Variants in AUTS2 observed in about 807,000 individuals in gnomAD.
The protein encoded by AUTS2 is activator of transcription and developmental regulator AUTS2.
AUTS2 carries 17 observed loss-of-function variants against 112.4 expected under a neutral mutation model. The ratio of observed to expected loss-of-function variants is 0.15; its 90% CI spans 0.10 to 0.23. The LOEUF is 0.23. Among genes scored for constraint, AUTS2 ranks in the 10% least tolerant of loss-of-function variants. The probability of loss-of-function intolerance (pLI) is 1.00; values close to 1 mark genes in which losing one functional copy is unlikely to be tolerated. For missense variants in AUTS2, 1,510 were observed against 1,701.6 expected, an observed-to-expected ratio of 0.89 and a Z score of 1.98; for synonymous variants, 751 against 702.7, an observed-to-expected ratio of 1.07 and a Z score of -1.09.
intron 11 of AUTS2, among the ~76,000 whole-genome samples, chr7:70,772,306 A>G (rs769477310): frequency 2.0e-5 from 3 of 152,214 alleles, no homozygotes; most frequent in Non-Finnish European, 4.4e-5. Context: ...TCCTTTATAA[A>G]AATCAAATTC....
chr7:69,645,259 A>C (rs557819258), intron 1 of AUTS2, among the ~76,000 whole-genome samples: 1 of 152,248 alleles, frequency 6.6e-6, no homozygotes, highest in South Asian at 2.1e-4. Flanking sequence ...AAAGCCACAT[A>C]AAATTTCCTT....
At chr7:70,613,831 C>T (rs1348574786) in intron 5 of AUTS2, among the ~76,000 whole-genome samples, 1 of 152,228 alleles carries the variant, frequency 6.6e-6, no homozygotes, top group African/African-American at 2.4e-5. Context: ...ACTAGTTAAT[C>T]ACTCTTGTGG....
At chr7:70,695,935 G>T (rs757537630) in intron 5 of AUTS2, among the ~76,000 whole-genome samples, 9 of 152,180 alleles carry the variant, frequency 5.9e-5, no homozygotes, top group Non-Finnish European at 1.0e-4. Context: ...CAAGTCTGTA[G>T]CGGGTAGAGG....
intron 5 of AUTS2, among the ~76,000 whole-genome samples, chr7:70,441,587 A>G (rs1237900056): frequency 1.3e-5 from 2 of 152,134 alleles, no homozygotes; most frequent in Admixed American, 6.5e-5. Context: ...GAGTCTCACT[A>G]TGTTGCCCAC....
chr7:70,558,238 C>A (rs775283511), intron 5 of AUTS2, among the ~76,000 whole-genome samples: 1 of 152,140 alleles, frequency 6.6e-6, no homozygotes, highest in Non-Finnish European at 1.5e-5. Context: ...CCCTACCCTC[C>A]AGCCCCTGAA....
chr7:70,578,509 C>T (rs767257052), intron 5 of AUTS2, among the ~76,000 whole-genome samples: 2 of 152,216 alleles, frequency 1.3e-5, no homozygotes, highest in Non-Finnish European at 2.9e-5. Context: ...CTCTTTGTAA[C>T]CCCATCTTGC....
intron 2 of AUTS2, among the ~76,000 whole-genome samples, chr7:69,918,037 T>C (rs1795661527): frequency 6.6e-6 from 1 of 152,118 alleles, no homozygotes. Flanking sequence ...GAGACAGGGT[T>C]TCACCATGTT....
chr7:69,823,155 G>A (rs1280146474), intron 1 of AUTS2, among the ~76,000 whole-genome samples: 31 of 152,140 alleles, frequency 2.0e-4, no homozygotes, highest in Non-Finnish European at 5.9e-5. Context: ...CCTTACACTT[G>A]AGTTTCCTTT....
rs141402053 is a variant in AUTS2 at position 70,562,555 on chromosome 7, A to G, written c.690+126774A>G. ...TTTATGTCACCACTGTTTCATTTACATACCTCTAGGATAGCACTTACCACG... is the reference window on the plus strand; with the variant it reads ...TTTATGTCACCACTGTTTCATTTACGTACCTCTAGGATAGCACTTACCACG... On this transcript the variant is annotated intron_variant, in intron 5 of 18. Coordinates refer to ENST00000342771, the MANE Select transcript of AUTS2 (RefSeq NM_015570.4). Among the ~76,000 whole-genome samples, 210 of 152,310 alleles carry G rather than the reference A, an allele frequency of 1.4e-3. 1 individual carries two copies. Among genetic ancestry groups the G allele is most frequent in the Non-Finnish European group, 2.6e-3 (175 of 68,032 alleles).
chr7:69,636,817 G>C (rs1385330221), intron 1 of AUTS2, among the ~76,000 whole-genome samples: 1 of 152,034 alleles, frequency 6.6e-6, no homozygotes, highest in Admixed American at 6.5e-5. Flanking sequence ...CCAGGCTGGA[G>C]TACAGTGGCG....
intron 2 of AUTS2, among the ~76,000 whole-genome samples, chr7:70,044,729 A>G (rs1801424425): frequency 6.6e-6 from 1 of 152,222 alleles, no homozygotes; most frequent in Non-Finnish European, 1.5e-5. Context: ...ATGTTGATAG[A>G]GTCAGATTGA....
intron 2 of AUTS2, among the ~76,000 whole-genome samples, chr7:70,053,262 TC>T (rs1462522827): frequency 2.0e-5 from 3 of 152,126 alleles, no homozygotes; most frequent in African/African-American, 4.8e-5. Flanking sequence ...GGGAAGGTGT[TC>T]CTTATTAAAG....
chr7:70,310,446 TAA>T (rs1429382000), intron 4 of AUTS2, among the ~76,000 whole-genome samples: 4 of 151,762 alleles, frequency 2.6e-5, no homozygotes, highest in East Asian at 3.9e-4. Context: ...CCGTCTCTAC[TAA>T]AAAAATACAA....
At chr7:70,649,154 G>A (rs1265925099) in intron 5 of AUTS2, among the ~76,000 whole-genome samples, 3 of 150,636 alleles carry the variant, frequency 2.0e-5, no homozygotes, top group Non-Finnish European at 2.9e-5. Context: ...CACTTTGGAG[G>A]CTGAGGCAGG....
chr7:70,750,787 C>T (rs185155017), intron 6 of AUTS2, among the ~76,000 whole-genome samples: 12 of 152,294 alleles, frequency 7.9e-5, no homozygotes, highest in Admixed American at 7.8e-4. Flanking sequence ...CAATGTGTGC[C>T]CCAAATCAGA....
chr7:69,896,018 A>G (rs1027647711), intron 1 of AUTS2, among the ~76,000 whole-genome samples: 3 of 152,186 alleles, frequency 2.0e-5, no homozygotes, highest in Non-Finnish European at 4.4e-5. Context: ...GTACAATTTA[A>G]TCACATTATA....
intron 5 of AUTS2, among the ~76,000 whole-genome samples, chr7:70,484,872 T>C (rs1797924551): frequency 6.6e-6 from 1 of 152,054 alleles, no homozygotes; most frequent in Non-Finnish European, 1.5e-5. Flanking sequence ...CCAATAAACA[T>C]ATGAAAAAAT....
chr7:70,787,835 C>T (rs1791614625), intron 18 of AUTS2, among the ~76,000 whole-genome samples: 1 of 152,176 alleles, frequency 6.6e-6, no homozygotes. Context: ...CGCTCTTTTC[C>T]TCTTTTTGTT....
chr7:70,361,697 G>A (rs6970409), intron 4 of AUTS2, among the ~76,000 whole-genome samples: 10 of 152,282 alleles, frequency 6.6e-5, no homozygotes, highest in African/African-American at 2.4e-4. Context: ...TGAACAGAAA[G>A]GGAGAAAGAT....
Sources: gnomAD v4.1 joint callset for allele counts (sites outside exome capture counted in the v4.1 genomes callset) on GRCh38, gnomAD v4.1.1 for gene constraint, MANE v1.5 for transcripts, NCBI Gene and HGNC (gene_info 2026-07-23, HGNC 2026-07-21) for gene names.